FAT3: variants seen among roughly 807,000 people sequenced by gnomAD.
FAT3 encodes protocadherin Fat 3.
A neutral mutation model predicts 310.2 loss-of-function variants in FAT3; 95 were observed. That is an observed-to-expected ratio of 0.31 (90% CI 0.26 to 0.36). FAT3 has a LOEUF of 0.36. FAT3 is among the 10% of genes least tolerant of loss of function. FAT3 has a pLI of 1.00. For missense variants in FAT3, 5,408 were observed against 5,715.6 expected (o/e 0.95, Z 1.74); for synonymous variants, 2,314 against 2,192.9 (o/e 1.06, Z -1.54).
At chr11:92,302,643 A>T (rs1413592206) in intron 1 of FAT3, among the ~76,000 whole-genome samples, 1 of 151,394 alleles carries the variant, frequency 6.6e-6, no homozygotes, top group Admixed American at 6.6e-5. Context: ...ATTTATAAAC[A>T]TTTTTTTTTC....
chr11:92,730,656 C>G (rs1189120325), intron 4 of FAT3, among the ~76,000 whole-genome samples: 3 of 152,144 alleles, frequency 2.0e-5, no homozygotes, highest in African/African-American at 7.2e-5. Context: ...GAAAATTTTG[C>G]TCATCCAACC....
At chr11:92,783,641 T>C (rs1946814460) in intron 7 of FAT3, among the ~76,000 whole-genome samples, 1 of 151,954 alleles carries the variant, frequency 6.6e-6, no homozygotes, top group Admixed American at 6.6e-5. Context: ...GACTCATCTC[T>C]ACAAAACAAA....
chr11:92,271,695 C>T (rs535139174), intron 1 of FAT3, among the ~76,000 whole-genome samples: 1 of 152,236 alleles, frequency 6.6e-6, no homozygotes, highest in Admixed American at 6.5e-5. Flanking sequence ...CTCTTCCCTT[C>T]TGTAGCTATT....
At chr11:92,482,698 T>C (rs554619793) in intron 2 of FAT3, among the ~76,000 whole-genome samples, 2 of 152,264 alleles carry the variant, frequency 1.3e-5, no homozygotes, top group South Asian at 2.1e-4. Flanking sequence ...TCAAAACCTC[T>C]TCCTTTGCCC....
chr11:92,296,430 A>G (rs1167713639), intron 1 of FAT3, among the ~76,000 whole-genome samples: 1 of 152,100 alleles, frequency 6.6e-6, no homozygotes, highest in Admixed American at 6.5e-5. Context: ...ACACTTCATT[A>G]TACTAGGTAT....
intron 3 of FAT3, among the ~76,000 whole-genome samples, chr11:92,546,469 A>G (rs185502030): frequency 1.3e-5 from 2 of 152,332 alleles, no homozygotes; most frequent in Admixed American, 6.5e-5. Flanking sequence ...TACCCAGAAG[A>G]TTAATACATG....
rs559832394 is a variant in FAT3 at position 92,738,403 on chromosome 11, A to T, written c.3670-23453A>T. ...TTTTAGCCTGACTACTTTTGCACAC[A>T]GCCTACATACAGAGCTTTGTCTCGC... On this transcript the variant is annotated intron_variant, in intron 4 of 27. Coordinates refer to ENST00000525166, the MANE Select transcript of FAT3 (RefSeq NM_001367949.2). Among the ~76,000 whole-genome samples the T allele has an allele frequency of 3.3e-5, 5 of 152,312 alleles. No individual in the cohort carries two copies. The South Asian group carries it at 8.3e-4, about 25-fold the overall frequency.
intron 1 of FAT3, among the ~76,000 whole-genome samples, chr11:92,313,475 C>T (rs891394715): frequency 6.6e-6 from 1 of 152,124 alleles, no homozygotes; most frequent in Non-Finnish European, 1.5e-5. Context: ...ACTGTGCTAC[C>T]ATTTTTATTA....
In FAT3 at chr11:92,442,081, T is replaced by TTTATA. The variant is rs1355599282; in HGVS notation, c.3293-82552_3293-82551insTATAT. Among the ~76,000 whole-genome samples the TTTATA allele has an allele frequency of 9.9e-4, 69 of 69,980 alleles. 3 individuals are homozygous for TTTATA. Among genetic ancestry groups the TTTATA allele is most frequent in the African/African-American group, 5.4e-3 (66 of 12,140 alleles). The allele number at this position is 69,980 out of a possible 152,430, so 45.9% of individuals were successfully genotyped here. Reference sequence around the variant, plus strand: ...GTGCAAAACTTAAGAAATATATATTTTATATATATATATATATATATATAT... The same window carrying TTTATA: ...GTGCAAAACTTAAGAAATATATATTTTTATATATATATATATATATATATATATAT... On this transcript the variant is annotated intron_variant, in intron 2 of 27. Transcript: ENST00000525166.
intron 1 of FAT3, among the ~76,000 whole-genome samples, chr11:92,342,609 C>A (rs11019912): frequency 0.075 from 11,400 of 152,098 alleles, 600 homozygotes; most frequent in African/African-American, 0.14. Flanking sequence ...TTTTGCCCCC[C>A]GACTATTGGA....
chr11:92,485,075 GA>G (rs1167480141), intron 2 of FAT3, among the ~76,000 whole-genome samples: 1 of 152,090 alleles, frequency 6.6e-6, no homozygotes, highest in African/African-American at 2.4e-5. Flanking sequence ...AACCTCTAAG[GA>G]AAAACAGGTC....
At position 92,857,230 on chromosome 11, in the gene FAT3, G is replaced by A. The variant is rs1949003306; in HGVS notation, c.11382G>A (p.Gly3794=). The change falls in exon 20 of 28, where the codon GGG becomes GGA. Residue 3794 remains glycine, a synonymous_variant. Coordinates refer to ENST00000525166, the MANE Select transcript of FAT3 (RefSeq NM_001367949.2). ...TTGTCACAGGAGGACTGTGTCCGGG[G>A]TCCAACGATCCTTGTGTGGAGAAGC... ...RCTCNGGLCP[G]SNDPCVEKPC... 1.9e-6 allele frequency: 3 copies of A among 1,613,958 alleles called. No homozygotes were observed. The highest frequency in any genetic ancestry group is 1.3e-5 in the African/African-American group (1 of 75,030).
In FAT3 at chr11:92,835,057, C is replaced by T. The variant is rs751403167; in HGVS notation, c.10059C>T (p.Asp3353=). Residue 3353 remains aspartate (D), a synonymous_variant, in exon 15 of 28, where the codon GAC becomes GAT. Coordinates refer to ENST00000525166, the MANE Select transcript of FAT3 (RefSeq NM_001367949.2). ...QDVYSAVISE[D]ALVGDSVILL... Reference sequence around the variant, plus strand: ...TCTACAGTGCGGTTATCAGTGAAGACGCCTTGGTGGGAGACTCTGTCATTT... The same window carrying T: ...TCTACAGTGCGGTTATCAGTGAAGATGCCTTGGTGGGAGACTCTGTCATTT... 1.2e-4 allele frequency: 200 copies of T among 1,612,974 alleles called. 1 individual carries two copies. The highest frequency in any genetic ancestry group is 1.7e-4 in the Middle Eastern group (1 of 5,916).
At chr11:92,283,250 T>G (rs1022085378) in intron 1 of FAT3, among the ~76,000 whole-genome samples, 1 of 152,194 alleles carries the variant, frequency 6.6e-6, no homozygotes, top group African/African-American at 2.4e-5. Flanking sequence ...CTGAGACTTA[T>G]TAGTCAGTGA....
intron 2 of FAT3, among the ~76,000 whole-genome samples, chr11:92,507,081 AAC>A (rs1591378826): frequency 1.3e-5 from 2 of 152,332 alleles, no homozygotes; most frequent in East Asian, 1.9e-4. Flanking sequence ...AAGCTGGTCT[AAC>A]ACAGTGAGTT....
intron 1 of FAT3, among the ~76,000 whole-genome samples, chr11:92,275,289 C>T (rs958411647): frequency 1.3e-5 from 2 of 152,022 alleles, no homozygotes; most frequent in African/African-American, 4.8e-5. Flanking sequence ...TTCCATGTTG[C>T]CAGAGTAATT....
At chr11:92,411,118 AT>A (rs1441944674) in intron 2 of FAT3, among the ~76,000 whole-genome samples, 2 of 139,740 alleles carry the variant, frequency 1.4e-5, no homozygotes, top group Non-Finnish European at 3.0e-5. Context: ...AAAAATATAT[AT>A]ATTTATATAT....
chr11:92,878,063 T>C (rs1278809844), intron 22 of FAT3, among the ~76,000 whole-genome samples: 1 of 152,182 alleles, frequency 6.6e-6, no homozygotes, highest in African/African-American at 2.4e-5. Flanking sequence ...CATGTGCACA[T>C]ACATGTATGT....
intron 3 of FAT3, among the ~76,000 whole-genome samples, chr11:92,654,110 C>G (rs1367931333): frequency 3.3e-5 from 5 of 152,204 alleles, no homozygotes; most frequent in Non-Finnish European, 4.4e-5. Context: ...AGTCAAAGGA[C>G]TTTAGCTATA....
Sources: gnomAD v4.1 joint callset for allele counts (sites outside exome capture counted in the v4.1 genomes callset) on GRCh38, gnomAD v4.1.1 for gene constraint, MANE v1.5 for transcripts, NCBI Gene and HGNC (gene_info 2026-07-23, HGNC 2026-07-21) for gene names.